The following MBNL2 variants were observed in gnomAD, a reference collection of about 807,000 sequenced individuals.
MBNL2 encodes the protein muscleblind-like protein 2.
In MBNL2, 17 loss-of-function variants were observed where a neutral mutation model predicts 41.9. That is an observed-to-expected ratio of 0.41 (90% CI 0.28 to 0.61). The LOEUF (loss-of-function observed/expected upper bound fraction) is 0.61, where lower values mean the gene tolerates loss of function less well. MBNL2 is among the 20% of genes least tolerant of loss of function. The pLI is 0.35. For synonymous variants in MBNL2, 195 were observed against 182.9 expected, an observed-to-expected ratio of 1.07 and a Z score of -0.53; for missense variants, 336 against 505.6, an observed-to-expected ratio of 0.66 and a Z score of 3.22.
chr13:97,372,836 C>A (rs982523842), intron 8 of MBNL2, among the ~76,000 whole-genome samples: 1 of 152,172 alleles, frequency 6.6e-6, no homozygotes, highest in African/African-American at 2.4e-5. Flanking sequence ...AAGGTAAGAT[C>A]GTGTTTTATT....
At chr13:97,349,068 T>C (rs977943574) in intron 5 of MBNL2, among the ~76,000 whole-genome samples, 1 of 152,230 alleles carries the variant, frequency 6.6e-6, no homozygotes, top group African/African-American at 2.4e-5. Context: ...TTGTTTAATC[T>C]CTGAGTCCTT....
At chr13:97,232,851 ATG>A (rs34769353) in intron 1 of MBNL2, among the ~76,000 whole-genome samples, 52,213 of 130,118 alleles carry the variant, frequency 0.4, 11,219 homozygotes, top group Non-Finnish European at 0.51. Flanking sequence ...TCTTGACGCT[ATG>A]TGTGTGTGTG....
intron 2 of MBNL2, among the ~76,000 whole-genome samples, chr13:97,298,528 C>T (rs1349142757): frequency 1.3e-5 from 2 of 152,210 alleles, no homozygotes; most frequent in African/African-American, 2.4e-5. Context: ...TTTGCAAAAT[C>T]ACACAATAGC....
intron 2 of MBNL2, among the ~76,000 whole-genome samples, chr13:97,277,262 C>T (rs921101934): frequency 1.3e-5 from 2 of 152,080 alleles, no homozygotes; most frequent in Admixed American, 6.5e-5. Context: ...GTATTCAGCC[C>T]TAACATTATG....
rs148891995 is a variant in MBNL2, at chr13:97,353,242, G to T, written c.805-3554G>T. ...AAAGGAATGTAGTTTCAGAACAAAA[G>T]CCAGGTTCTTTCTGACAATGACATG... is the stretch of plus-strand genomic sequence containing the variant. On this transcript the variant is annotated intron_variant, in intron 5 of 8. Transcript: ENST00000679496. Among the ~76,000 whole-genome samples the T allele has an allele frequency of 2.0e-5, 3 of 152,252 alleles. No individual in the cohort carries two copies. The East Asian group carries it at 5.8e-4, about 29-fold the overall frequency.
At chr13:97,300,632 G>A (rs77385925) in intron 2 of MBNL2, among the ~76,000 whole-genome samples, 2 of 151,992 alleles carry the variant, frequency 1.3e-5, no homozygotes, top group South Asian at 2.1e-4. Context: ...CTTAACCTCC[G>A]AACTGACCTC....
Position 97,222,446 on chromosome 13 carries a change from A to T in MBNL2, c.-690A>T, listed in dbSNP as rs1340029288. ...TTTACATGGAAGTTTCTTTCTCATG[A>T]TGCGGTGGAGAAGCCTCGGCCACTT... On this transcript the variant is annotated 5_prime_UTR_variant, in exon 1 of 9. An upstream start codon of the reference 5' UTR is lost. Transcript: ENST00000679496. 1 of 398,680 alleles carries T rather than the reference A, an allele frequency of 2.5e-6. No individual in the cohort carries two copies. The highest frequency in any genetic ancestry group is 4.4e-6 in the Non-Finnish European group (1 of 226,082). 24.7% of individuals were successfully genotyped at this position (398,680 alleles called of 1,614,324 possible).
rs375744768 is a variant in MBNL2, at chr13:97,237,560, C to A, written c.-605+15029C>A. 2.5e-3 allele frequency among the ~76,000 whole-genome samples: 384 copies of A among 152,242 alleles called. 2 individuals are homozygous for A. The highest frequency in any genetic ancestry group is 8.9e-3 in the African/African-American group (371 of 41,544). On this transcript the variant is annotated intron_variant, in intron 1 of 8. Coordinates refer to ENST00000679496, the MANE Select transcript of MBNL2 (RefSeq NM_001382683.1). ...AAGATGCCTGTGAGATTAGTGCCAT[C>A]CAAGTAAGGCAGTCAGGGAAGGCTT...
intron 2 of MBNL2, among the ~76,000 whole-genome samples, chr13:97,294,019 CT>C (rs995180401): frequency 4.5e-4 from 68 of 151,376 alleles, no homozygotes; most frequent in East Asian, 3.7e-3. Context: ...ACCACTCCTG[CT>C]TTTTTTTTCT....
At chr13:97,310,782 CTTT>C (rs11345201) in intron 2 of MBNL2, among the ~76,000 whole-genome samples, 50 of 135,972 alleles carry the variant, frequency 3.7e-4, no homozygotes, top group Admixed American at 5.1e-4. Flanking sequence ...AATTCAGCAT[CTTT>C]TTTTTTTTTT....
At chr13:97,279,034 A>G (rs1016154883) in intron 2 of MBNL2, among the ~76,000 whole-genome samples, 14 of 152,248 alleles carry the variant, frequency 9.2e-5, no homozygotes, top group Admixed American at 7.8e-4. Flanking sequence ...GCATATTCAC[A>G]TTACGAGGTT....
chr13:97,287,918 G>GTTTTTTTT lies in MBNL2; in HGVS notation c.174+11512_174+11519dup, dbSNP rs11423615. Among the ~76,000 whole-genome samples the GTTTTTTTT allele has an allele frequency of 5.1e-4, 63 of 124,604 alleles. 6 individuals are homozygous for GTTTTTTTT. The highest frequency in any genetic ancestry group is 2.1e-3 in the African/African-American group (60 of 28,760). The allele number at this position is 124,604 out of a possible 152,430, so 81.7% of individuals were successfully genotyped here. A position where few individuals can be genotyped will look rare whatever the true frequency, so the allele number is the denominator to read the frequency against. ...TGCCACCAGGCCCGGCTAATTTTCTGTTTTTTTTTTGTTTTGTTTTGTTTT... is the reference window on the plus strand; with the variant it reads ...TGCCACCAGGCCCGGCTAATTTTCTGTTTTTTTTTTTTTTTTTTGTTTTGTTTTGTTTT... On this transcript the variant is annotated intron_variant, in intron 2 of 8. Coordinates refer to ENST00000679496, the MANE Select transcript of MBNL2 (RefSeq NM_001382683.1).
At chr13:97,294,486 G>T (rs557884813) in intron 2 of MBNL2, among the ~76,000 whole-genome samples, 13 of 152,168 alleles carry the variant, frequency 8.5e-5, no homozygotes, top group Non-Finnish European at 1.9e-4. Flanking sequence ...AGAGCATTAC[G>T]GGCTAGGTAG....
chr13:97,173,416 T>A, the MBNL2 span, among the ~76,000 whole-genome samples: 1 of 152,188 alleles, frequency 6.6e-6, no homozygotes, highest in South Asian at 2.1e-4. Context: ...GGAAGGAGGC[T>A]GAAGGACTTA....
In MBNL2 at chr13:97,276,106, C is replaced by T; in HGVS notation, c.-130C>T. 1 of 685,582 alleles carries T rather than the reference C, an allele frequency of 1.5e-6. No homozygotes were observed. The highest frequency in any genetic ancestry group is 1.8e-5 in the South Asian group (1 of 54,108). The allele number at this position is 685,582 out of a possible 1,614,324, so 42.5% of individuals were successfully genotyped here. A position where few individuals can be genotyped will look rare whatever the true frequency, so the allele number is the denominator to read the frequency against. On this transcript the variant is annotated 5_prime_UTR_variant, in exon 2 of 9. Coordinates refer to ENST00000679496, the MANE Select transcript of MBNL2 (RefSeq NM_001382683.1). ...TCATCCTGTTCCTTGGATTGGACTTCACTAAGCAATTTATCACTCACCTTC... is the reference window on the plus strand; with the variant it reads ...TCATCCTGTTCCTTGGATTGGACTTTACTAAGCAATTTATCACTCACCTTC...
chr13:97,245,450 C>G (rs1007591018), intron 1 of MBNL2, among the ~76,000 whole-genome samples: 1 of 150,798 alleles, frequency 6.6e-6, no homozygotes, highest in African/African-American at 2.4e-5. Context: ...CAAAAGTCAT[C>G]CCCCGTCTTC....
At chr13:97,211,269 C>A in the MBNL2 span, among the ~76,000 whole-genome samples, 1 of 152,048 alleles carries the variant, frequency 6.6e-6, no homozygotes, top group Non-Finnish European at 1.5e-5. Flanking sequence ...GACTGCTTTG[C>A]GAAATAAAAT....
the MBNL2 span, chr13:97,172,511 C>T: frequency 6.6e-6 from 1 of 152,304 alleles, no homozygotes; most frequent in Admixed American, 6.5e-5. Context: ...GGGTCTTCAT[C>T]TAATCCTAGA....
At chr13:97,311,789 GTTAACGTCCAACAGTCCT>G (rs2153022924) in intron 2 of MBNL2, among the ~76,000 whole-genome samples, 1 of 152,174 alleles carries the variant, frequency 6.6e-6, no homozygotes, top group South Asian at 2.1e-4. Flanking sequence ...CTACAGGTGG[GTTAACGTCCAACAGTCCT>G]CTCTCCTTAG....
Sources: allele counts gnomAD v4.1 joint callset (sites outside exome capture counted in the v4.1 genomes callset), GRCh38; gene constraint gnomAD v4.1.1; transcripts MANE v1.5; gene names NCBI Gene and HGNC (gene_info 2026-07-23, HGNC 2026-07-21).